The following CLRN3 variants were observed in gnomAD, a reference collection of about 807,000 sequenced individuals.
CLRN3 encodes the protein clarin 3.
CLRN3 carries 12 observed loss-of-function variants against 16.7 expected under a neutral mutation model. The ratio of observed to expected loss-of-function variants is 0.72; its 90% CI spans 0.46 to 1.16. The LOEUF is 1.16. Among genes scored for constraint, CLRN3 ranks in the 50% most tolerant of loss-of-function variants. The pLI is 0.00. For missense variants in CLRN3, 296 were observed against 274.2 expected (o/e 1.08, Z -0.56); for synonymous variants, 118 against 113.0 (o/e 1.04, Z -0.28).
In CLRN3 at chr10:127,892,721, T is replaced by C. The variant is rs1312480947; in HGVS notation, c.64A>G (p.Ile22Val). The change falls in exon 1 of 3, where the codon ATT (isoleucine) becomes GTT (valine). Residue 22 changes from isoleucine (I) to valine (V), a missense_variant. Physicochemically the swap from Ile to Val is conservative, Grantham distance 29 (BLOSUM62 3). Coordinates refer to ENST00000368671, the MANE Select transcript of CLRN3 (RefSeq NM_152311.5). ...SSFFTSLGSFIVICSILGTQA... is the reference protein window; with the variant it reads ...SSFFTSLGSFVVICSILGTQA... ...GTCCCAAGAATAGAGCAAATTACAA[T>C]GAAGGACCCAAGGCTGGTGAAAAAG... is the stretch of plus-strand genomic sequence containing the variant. 1.9e-6 allele frequency: 3 copies of C among 1,613,846 alleles called. No individual in the cohort carries two copies. The East Asian group carries it at 6.7e-5, about 36-fold the overall frequency.
At position 127,883,706 on chromosome 10, in the gene CLRN3, G is replaced by A. The variant is rs149193697; in HGVS notation, c.399C>T (p.Asn133=). 4.3e-5 allele frequency: 69 copies of A among 1,612,378 alleles called. No individual in the cohort carries two copies. Among genetic ancestry groups the A allele is most frequent in the East Asian group, 4.5e-5 (2 of 44,858 alleles). The stretch of plus-strand genomic sequence containing the variant: ...CACAGGGCCACTCACCACCGAGCCC[G>A]TTCCAGGTGTACACCCCCGTCGGCC... ...FLGPTGVYTW[N]GLGASFVFVT... The change falls in exon 2 of 3, where the codon AAC becomes AAT. Residue 133 remains asparagine, a synonymous_variant. Transcript: ENST00000368671.
At chr10:127,889,788 T>G (rs1845238303) in intron 1 of CLRN3, among the ~76,000 whole-genome samples, 1 of 152,244 alleles carries the variant, frequency 6.6e-6, no homozygotes, top group African/African-American at 2.4e-5. Context: ...TTTGTCATGT[T>G]TGCCAGTGTG....
chr10:127,889,345 C>T (rs1175361989), intron 1 of CLRN3, among the ~76,000 whole-genome samples: 1 of 151,728 alleles, frequency 6.6e-6, no homozygotes, highest in African/African-American at 2.4e-5. Flanking sequence ...AAAATCTTGC[C>T]GGGCGCAGTG....
chr10:127,877,911 T>G lies in CLRN3; in HGVS notation c.*238A>C. ...CAGGTCAGAAGGGTCGTTACGCTCA[T>G]CATGATACTACTGCTTTGAATACCA... is the stretch of plus-strand genomic sequence containing the variant. On this transcript the variant is annotated 3_prime_UTR_variant, in exon 3 of 3. Transcript: ENST00000368671. 1.9e-6 allele frequency: 1 copy of G among 519,424 alleles called. No homozygotes were observed. The highest frequency in any genetic ancestry group is 2.3e-5 in the South Asian group (1 of 44,050). 32.2% of individuals were successfully genotyped at this position (519,424 alleles called of 1,614,324 possible). A position where few individuals can be genotyped will look rare whatever the true frequency, so the allele number is the denominator to read the frequency against.
Position 127,883,724 on chromosome 10 carries a change from C to T in CLRN3, c.381G>A (p.Thr127=), listed in dbSNP as rs760579282. The stretch of plus-strand genomic sequence containing the variant: ...CGAGCCCGTTCCAGGTGTACACCCC[C>T]GTCGGCCCCAGGAATGTCTGGTAAG... ...SNPYQTFLGP[T]GVYTWNGLGA... The change falls in exon 2 of 3, where the codon ACG becomes ACA. Residue 127 remains threonine, a synonymous_variant. Coordinates refer to ENST00000368671, the MANE Select transcript of CLRN3 (RefSeq NM_152311.5). The T allele has an allele frequency of 2.4e-5, 39 of 1,613,630 alleles. No homozygotes were observed. The highest frequency in any genetic ancestry group is 5.0e-5 in the Admixed American group (3 of 59,990).
At position 127,878,428 on chromosome 10, in the gene CLRN3, G is replaced by A. The variant is rs1272482906; in HGVS notation, c.410-8C>T. ...TCACAAAAACGAAGGATGCTGAAAG[G>A]AAGATGGAGTTTCATGCATGGCATG... is the stretch of plus-strand genomic sequence containing the variant. On this transcript the variant is annotated splice_region_variant and splice_polypyrimidine_tract_variant and intron_variant, in intron 2 of 2. Coordinates refer to ENST00000368671, the MANE Select transcript of CLRN3 (RefSeq NM_152311.5). 2 of 1,612,924 alleles carry A rather than the reference G, an allele frequency of 1.2e-6. No homozygotes were observed. Among genetic ancestry groups the A allele is most frequent in the Admixed American group, 1.7e-5 (1 of 60,022 alleles).
At chr10:127,879,839 T>A (rs1845106306) in intron 2 of CLRN3, among the ~76,000 whole-genome samples, 1 of 152,166 alleles carries the variant, frequency 6.6e-6, no homozygotes, top group South Asian at 2.1e-4. Context: ...CCAGGATCTG[T>A]GATGAGGCCG....
chr10:127,889,290 C>T (rs375193113), intron 1 of CLRN3, among the ~76,000 whole-genome samples: 1 of 152,212 alleles, frequency 6.6e-6, no homozygotes, highest in Admixed American at 6.5e-5. Flanking sequence ...CCACTGCACT[C>T]CAGACTGGGC....
At chr10:127,890,236 C>G (rs1179907471) in intron 1 of CLRN3, among the ~76,000 whole-genome samples, 3 of 152,146 alleles carry the variant, frequency 2.0e-5, no homozygotes, top group African/African-American at 7.2e-5. Context: ...CAAAGACAAC[C>G]TGCTCACAGA....
intron 1 of CLRN3, among the ~76,000 whole-genome samples, chr10:127,890,800 T>C (rs552251745): frequency 2.0e-4 from 31 of 152,250 alleles, no homozygotes; most frequent in Non-Finnish European, 4.1e-4. Flanking sequence ...ACACCGCAAG[T>C]TGAAGATTTC....
At chr10:127,889,221 CTGAGG>C (rs1845231378) in intron 1 of CLRN3, among the ~76,000 whole-genome samples, 1 of 152,142 alleles carries the variant, frequency 6.6e-6, no homozygotes, top group East Asian at 1.9e-4. Context: ...ACACCAGAAG[CTGAGG>C]CAGGAAGATC....
At chr10:127,878,988 G>A (rs1845093787) in intron 2 of CLRN3, among the ~76,000 whole-genome samples, 1 of 152,188 alleles carries the variant, frequency 6.6e-6, no homozygotes, top group African/African-American at 2.4e-5. Context: ...CATGGCATAT[G>A]ATGCCACTGG....
intron 1 of CLRN3, among the ~76,000 whole-genome samples, chr10:127,892,238 T>G (rs2135088316): frequency 6.6e-6 from 1 of 152,362 alleles, no homozygotes; most frequent in Non-Finnish European, 1.5e-5. Flanking sequence ...TTAAAACATG[T>G]GTTCCTACTG....
intron 1 of CLRN3, among the ~76,000 whole-genome samples, chr10:127,889,089 G>A (rs1370037355): frequency 6.6e-6 from 1 of 152,214 alleles, no homozygotes; most frequent in Non-Finnish European, 1.5e-5. Flanking sequence ...AACAAAGAGT[G>A]CAGTGTCACA....
At chr10:127,887,846 G>A (rs866015779) in intron 1 of CLRN3, among the ~76,000 whole-genome samples, 3 of 152,180 alleles carry the variant, frequency 2.0e-5, no homozygotes, top group African/African-American at 4.8e-5. Flanking sequence ...GGGGGCAAGC[G>A]TGTGAATCAG....
intron 1 of CLRN3, among the ~76,000 whole-genome samples, chr10:127,886,975 C>T (rs926141362): frequency 2.6e-5 from 4 of 152,206 alleles, no homozygotes; most frequent in African/African-American, 9.6e-5. Flanking sequence ...GCTGGGCCTG[C>T]CTTCTGGGTG....
chr10:127,888,940 A>T (rs770294038), intron 1 of CLRN3, among the ~76,000 whole-genome samples: 1 of 152,034 alleles, frequency 6.6e-6, no homozygotes, highest in African/African-American at 2.4e-5. Flanking sequence ...TCAGGGCCTC[A>T]CCCCGCGGAG....
chr10:127,891,159 C>G (rs1215330223), intron 1 of CLRN3, among the ~76,000 whole-genome samples: 2 of 152,232 alleles, frequency 1.3e-5, no homozygotes, highest in African/African-American at 2.4e-5. Context: ...AGTGCCTGCT[C>G]TGGTCCCCTG....
intron 2 of CLRN3, among the ~76,000 whole-genome samples, chr10:127,881,499 C>T (rs950651612): frequency 1.3e-5 from 2 of 152,198 alleles, no homozygotes; most frequent in African/African-American, 2.4e-5. Context: ...CCACACCTGG[C>T]CCTCTACTCT....
Sources: gnomAD v4.1 joint callset for allele counts (sites outside exome capture counted in the v4.1 genomes callset) on GRCh38, gnomAD v4.1.1 for gene constraint, MANE v1.5 for transcripts, NCBI Gene and HGNC (gene_info 2026-07-23, HGNC 2026-07-21) for gene names.